The following TPST2 variants were observed in gnomAD, a reference collection of about 807,000 sequenced individuals.
TPST2 encodes the protein protein-tyrosine sulfotransferase 2.
In TPST2, 16 loss-of-function variants were observed where a neutral mutation model predicts 27.8. The ratio of observed to expected loss-of-function variants is 0.58; its 90% CI spans 0.39 to 0.88. TPST2 has a LOEUF of 0.88. Ranked by LOEUF, TPST2 falls within the 40% of genes least tolerant of loss-of-function variation. TPST2 has a pLI of 0.00. For missense variants in TPST2, 464 were observed against 543.1 expected (o/e 0.85, Z 1.45); for synonymous variants, 229 against 231.7 (o/e 0.99, Z 0.10).
rs537334427 is a variant in TPST2 at position 26,526,093 on chromosome 22, G to C, written c.*182C>G. 2.2e-4 allele frequency: 34 copies of C among 152,230 alleles called. No individual in the cohort carries two copies. Among genetic ancestry groups the C allele is most frequent in the African/African-American group, 7.7e-4 (32 of 41,568 alleles). The allele number at this position is 152,230 out of a possible 1,614,324, so 9.4% of individuals were successfully genotyped here. A position where few individuals can be genotyped will look rare whatever the true frequency, so the allele number is the denominator to read the frequency against. ...CTCTACCCTGGAGTGTCCAGAGATA[G>C]AGAGTTTCAAGGTACGTTTTCAATG... On this transcript the variant is annotated 3_prime_UTR_variant, in exon 7 of 7. Transcript: ENST00000338754.
At chr22:26,587,419 C>A (rs1462910002) in intron 1 of TPST2, among the ~76,000 whole-genome samples, 1 of 152,188 alleles carries the variant, frequency 6.6e-6, no homozygotes, top group Non-Finnish European at 1.5e-5. Flanking sequence ...TGGCTTACTG[C>A]AACCTCTGCC....
rs113904318 is a variant in TPST2, at chr22:26,570,041, A to G, written c.-161+20012T>C. Among the ~76,000 whole-genome samples the G allele has an allele frequency of 3.7e-3, 383 of 103,382 alleles. 13 individuals carry two copies. The East Asian group carries it at 0.07, about 19-fold the overall frequency. The allele number at this position is 103,382 out of a possible 152,430, so 67.8% of individuals were successfully genotyped here. ...AAAGAAAGAAAGAAAGAAAGAAAGAAAGACAGAAAGAAAGAAAGAAAGAAG... is the reference window on the plus strand; with the variant it reads ...AAAGAAAGAAAGAAAGAAAGAAAGAGAGACAGAAAGAAAGAAAGAAAGAAG... On this transcript the variant is annotated intron_variant, in intron 1 of 6. Transcript: ENST00000338754.
intron 1 of TPST2, among the ~76,000 whole-genome samples, chr22:26,562,718 G>A (rs7291557): frequency 0.39 from 58,756 of 151,188 alleles, 11,645 homozygotes; most frequent in East Asian, 0.52. Flanking sequence ...CCGCCTCCCA[G>A]GTTCAAGCGA....
chr22:26,553,877 G>A (rs1458340887), intron 1 of TPST2, among the ~76,000 whole-genome samples: 2 of 152,108 alleles, frequency 1.3e-5, no homozygotes, highest in African/African-American at 2.4e-5. Context: ...ATTGTTTAGA[G>A]AACAATCACA....
intron 1 of TPST2, chr22:26,560,832 T>C: frequency 1.9e-6 from 3 of 1,556,322 alleles, no homozygotes; most frequent in African/African-American, 2.7e-5. Context: ...TTCGGCCTTC[T>C]TCCTGTTCTG....
At chr22:26,545,398 T>A (rs567949556) in intron 1 of TPST2, among the ~76,000 whole-genome samples, 2 of 152,306 alleles carry the variant, frequency 1.3e-5, no homozygotes, top group African/African-American at 4.8e-5. Flanking sequence ...CGAGGCTGTG[T>A]CCACGATGAG....
intron 3 of TPST2, 79 bp from the exon 4 acceptor site, chr22:26,536,565 G>A: frequency 7.6e-7 from 1 of 1,321,902 alleles, no homozygotes; most frequent in Non-Finnish European, 1.0e-6. Flanking sequence ...AGCCACTCTG[G>A]GGCAGCAGGA....
intron 2 of TPST2, among the ~76,000 whole-genome samples, chr22:26,543,460 C>T (rs1925967021): frequency 6.6e-6 from 1 of 152,092 alleles, no homozygotes. Flanking sequence ...AGCATCCCCA[C>T]CTTGGCTGAT....
chr22:26,551,861 C>T (rs949554152), intron 1 of TPST2, among the ~76,000 whole-genome samples: 13 of 141,120 alleles, frequency 9.2e-5, no homozygotes, highest in Non-Finnish European at 1.6e-4. Flanking sequence ...CCATTTAATT[C>T]TTTTCCTTTT....
At chr22:26,540,645 T>C (rs1925740277) in intron 3 of TPST2, 144 bp downstream of exon 3, 6 of 672,256 alleles carry the variant, frequency 8.9e-6, no homozygotes, top group South Asian at 4.7e-5. Context: ...TTGTCATTTT[T>C]TGGGATAATG....
chr22:26,578,280 G>A (rs541059591), intron 1 of TPST2, among the ~76,000 whole-genome samples: 8 of 152,228 alleles, frequency 5.3e-5, no homozygotes, highest in South Asian at 4.2e-4. Context: ...AGGTTTTAGC[G>A]CCCGTGTGCT....
intron 4 of TPST2, among the ~76,000 whole-genome samples, chr22:26,535,387 T>G (rs1925396344): frequency 6.6e-6 from 1 of 152,222 alleles, no homozygotes; most frequent in Admixed American, 6.5e-5. Context: ...ACACAGCACT[T>G]AAAGTAAACT....
chr22:26,527,980 G>A (rs1259107907), intron 6 of TPST2, among the ~76,000 whole-genome samples: 1 of 152,174 alleles, frequency 6.6e-6, no homozygotes, highest in Non-Finnish European at 1.5e-5. Context: ...GGTTGGTTCA[G>A]CGTTAATCCC....
rs1161916465 is a variant in TPST2 at position 26,541,399 on chromosome 22, G to A, written c.232C>T (p.Arg78Cys). 5 of 1,562,328 alleles carry A rather than the reference G, an allele frequency of 3.2e-6. No individual in the cohort carries two copies. Among genetic ancestry groups the A allele is most frequent in the Non-Finnish European group, 4.3e-6 (5 of 1,153,510 alleles). Residue 78 changes from arginine to cysteine, a missense_variant, in exon 3 of 7, where the codon CGC becomes TGC. Physicochemically the swap from Arg to Cys is radical, Grantham distance 180. Coordinates refer to ENST00000338754, the MANE Select transcript of TPST2 (RefSeq NM_003595.5). The surrounding 1 kb of genome is among the most constrained non-coding windows in gnomAD (Gnocchi z 5.9). ...GCGCGCATCAACGTGGTGCCACTGC[G>A]AGGCACGCCACCCACGAAGATGAGC... Reference protein sequence around the residue: ...MPLIFVGGVPRSGTTLMRAML... With the variant: ...MPLIFVGGVPCSGTTLMRAML...
rs1924666095 is a variant in TPST2 at position 26,523,533 on chromosome 22, C to A, written c.*2742G>T. On this transcript the variant is annotated 3_prime_UTR_variant, in exon 7 of 7. Coordinates refer to ENST00000338754, the MANE Select transcript of TPST2 (RefSeq NM_003595.5). The stretch of plus-strand genomic sequence containing the variant: ...CTAGTTTTTTTCAGGGAACAAGACC[C>A]AGTGCTACCACTTAGGGGCTAGAAA... 6.6e-6 allele frequency: 1 copy of A among 152,126 alleles called. No homozygotes were observed. Among genetic ancestry groups the A allele is most frequent in the Non-Finnish European group, 1.5e-5 (1 of 68,028 alleles). 9.4% of individuals were successfully genotyped at this position (152,126 alleles called of 1,614,324 possible).
At chr22:26,544,730 A>C (rs1926028877) in intron 1 of TPST2, 55 bp from the exon 2 acceptor site, 1 of 953,780 alleles carries the variant, frequency 1.0e-6, no homozygotes, top group African/African-American at 1.8e-5. Flanking sequence ...AGAGGGGCCA[A>C]GCCTTCAAAG....
In TPST2 at chr22:26,587,208, T is replaced by C. The variant is rs184065232; in HGVS notation, c.-161+2845A>G. ...TCCCTGGCCTCCACAAAGCCTCAGC[T>C]GGCAAGGGGGCTCCAGGCTGGCCCG... On this transcript the variant is annotated intron_variant, in intron 1 of 6. Transcript: ENST00000338754. Among the ~76,000 whole-genome samples, 521 of 152,280 alleles carry C rather than the reference T, an allele frequency of 3.4e-3. 1 individual carries two copies. Among genetic ancestry groups the C allele is most frequent in the African/African-American group, 0.012 (487 of 41,580 alleles).
At chr22:26,568,048 T>C (rs1927444500) in intron 1 of TPST2, among the ~76,000 whole-genome samples, 1 of 152,230 alleles carries the variant, frequency 6.6e-6, no homozygotes, top group Non-Finnish European at 1.5e-5. Flanking sequence ...CCAGCATTTC[T>C]ACTGCTGATT....
chr22:26,562,409 G>A (rs1927151359), intron 1 of TPST2, among the ~76,000 whole-genome samples: 1 of 152,150 alleles, frequency 6.6e-6, no homozygotes, highest in African/African-American at 2.4e-5. Context: ...AACCCTCACA[G>A]CTCTACAAGC....
Sources: gnomAD v4.1 joint callset for allele counts (sites outside exome capture counted in the v4.1 genomes callset) on GRCh38, gnomAD v4.1.1 for gene constraint, Gnocchi (gnomAD v3.1) non-coding constraint, MANE v1.5 for transcripts, NCBI Gene and HGNC (gene_info 2026-07-23, HGNC 2026-07-21) for gene names.